PMEPA1: variants seen among roughly 807,000 people sequenced by gnomAD.
PMEPA1 encodes prostate transmembrane protein, androgen induced 1.
A neutral mutation model predicts 23.0 loss-of-function variants in PMEPA1; 11 were observed. The observed-to-expected ratio is 0.48, with a 90% CI of 0.30 to 0.79. PMEPA1 has a LOEUF of 0.79. Ranked by LOEUF, PMEPA1 falls within the 30% of genes least tolerant of loss-of-function variation. The pLI, the probability that PMEPA1 is intolerant of heterozygous loss-of-function variation, is 0.06. For synonymous variants in PMEPA1, 204 were observed against 166.4 expected (o/e 1.23, Z -1.74); for missense variants, 377 against 390.9 (o/e 0.96, Z 0.30).
chr20:57,677,847 C>T (rs2071659101), intron 1 of PMEPA1, among the ~76,000 whole-genome samples: 1 of 152,162 alleles, frequency 6.6e-6, no homozygotes, highest in Non-Finnish European at 1.5e-5. Context: ...GCATTCATAC[C>T]TTGGAACACT....
At chr20:57,693,510 C>T (rs1200067731) in intron 1 of PMEPA1, among the ~76,000 whole-genome samples, 2 of 152,178 alleles carry the variant, frequency 1.3e-5, no homozygotes, top group African/African-American at 2.4e-5. Flanking sequence ...GGCCAGCAGA[C>T]GGTGGCGGCC....
upstream of PMEPA1, chr20:57,710,925 C>T (rs2072173059): frequency 6.5e-6 from 1 of 154,834 alleles, no homozygotes; most frequent in Non-Finnish European, 1.4e-5. Context: ...CAAAGCTTCA[C>T]TTATTTAACA....
chr20:57,704,167 C>T lies in PMEPA1; in HGVS notation c.109+5307G>A, dbSNP rs747228038. Among the ~76,000 whole-genome samples the T allele has an allele frequency of 5.6e-4, 86 of 152,286 alleles. No individual in the cohort carries two copies. The highest frequency in any genetic ancestry group is 7.5e-4 in the Non-Finnish European group (51 of 68,024). ...AGTTTTATGTCAAAATCTAACCATT[C>T]GGCTGCCCTGGAACGGAAAGATCTG... On this transcript the variant is annotated intron_variant, in intron 1 of 3. Coordinates refer to ENST00000341744, the MANE Select transcript of PMEPA1 (RefSeq NM_020182.5). The surrounding 1 kb of genome is among the most constrained non-coding windows in gnomAD (Gnocchi z 4.6).
At chr20:57,697,261 A>C (rs2071953859) in intron 1 of PMEPA1, among the ~76,000 whole-genome samples, 1 of 152,234 alleles carries the variant, frequency 6.6e-6, no homozygotes, top group Admixed American at 6.5e-5. Context: ...ATGGTCAACA[A>C]GTGTCATCAC....
At chr20:57,696,864 T>C (rs1260531025) in intron 1 of PMEPA1, among the ~76,000 whole-genome samples, 3 of 152,228 alleles carry the variant, frequency 2.0e-5, no homozygotes, top group Non-Finnish European at 2.9e-5. Context: ...TGGAGGCCTC[T>C]GTGCACATTT....
chr20:57,677,593 G>T (rs1195721955), intron 1 of PMEPA1, among the ~76,000 whole-genome samples: 3 of 152,104 alleles, frequency 2.0e-5, no homozygotes, highest in Non-Finnish European at 4.4e-5. Context: ...ACCAGAGGAG[G>T]GCATGGATGT....
intron 1 of PMEPA1, among the ~76,000 whole-genome samples, chr20:57,669,306 A>C (rs905852545): frequency 6.6e-6 from 1 of 151,812 alleles, no homozygotes; most frequent in Non-Finnish European, 1.5e-5. Context: ...GACTACAGGC[A>C]CCCGCCAGCA....
intron 1 of PMEPA1, chr20:57,690,523 A>C (rs1326526155): frequency 1.5e-6 from 2 of 1,298,380 alleles, no homozygotes; most frequent in African/African-American, 3.1e-5. Context: ...TTTATTGTGA[A>C]GCAAAAAAGA....
chr20:57,657,284 G>T (rs1434169529), intron 2 of PMEPA1, among the ~76,000 whole-genome samples: 1 of 152,198 alleles, frequency 6.6e-6, no homozygotes, highest in Non-Finnish European at 1.5e-5. Context: ...TGGAGTTAGT[G>T]CCCCTCCAGG....
At position 57,655,100 on chromosome 20, in the gene PMEPA1, C is replaced by T. The variant is rs73302919; in HGVS notation, c.265-2014G>A. On this transcript the variant is annotated intron_variant, in intron 2 of 3. Coordinates refer to ENST00000341744, the MANE Select transcript of PMEPA1 (RefSeq NM_020182.5). This position sits in a 1 kb window ranked among gnomAD's most constrained non-coding sequence, Gnocchi z 4.2. ...TTAACGGGTTTTCCTATCTGTATAG[C>T]GGGCTGATGACAGCGCCTGCAATGC... Among the ~76,000 whole-genome samples, 1,034 of 152,300 alleles carry T rather than the reference C, an allele frequency of 6.8e-3. 14 individuals carry two copies. Among genetic ancestry groups the T allele is most frequent in the African/African-American group, 0.024 (993 of 41,548 alleles).
At chr20:57,660,110 C>G (rs1213535463) in intron 1 of PMEPA1, among the ~76,000 whole-genome samples, 1 of 152,132 alleles carries the variant, frequency 6.6e-6, no homozygotes, top group Non-Finnish European at 1.5e-5. Flanking sequence ...TGTCGCTGGG[C>G]AAAGGCTCGG....
At chr20:57,669,961 G>A (rs13038949) in intron 1 of PMEPA1, among the ~76,000 whole-genome samples, 15,376 of 152,192 alleles carry the variant, frequency 0.1, 855 homozygotes, top group Middle Eastern at 0.12. Flanking sequence ...TGGTCTCTGC[G>A]GAGGTGCTGT....
chr20:57,700,897 A>T (rs145577606), intron 1 of PMEPA1, among the ~76,000 whole-genome samples: 196 of 152,062 alleles, frequency 1.3e-3, no homozygotes, highest in African/African-American at 4.4e-3. Flanking sequence ...AGGTGTGATG[A>T]CTCATGCCTG....
intron 1 of PMEPA1, among the ~76,000 whole-genome samples, chr20:57,685,265 T>G (rs943112215): frequency 2.0e-5 from 3 of 152,062 alleles, no homozygotes; most frequent in African/African-American, 7.2e-5. Context: ...GGTGAAAAAT[T>G]ATAAAAGCAA....
chr20:57,655,115 G>A lies in PMEPA1; in HGVS notation c.265-2029C>T, dbSNP rs1369145597. On this transcript the variant is annotated intron_variant, in intron 2 of 3. Transcript: ENST00000341744. This position sits in a 1 kb window ranked among gnomAD's most constrained non-coding sequence, Gnocchi z 4.2. ...ATCTGTATAGCGGGCTGATGACAGC[G>A]CCTGCAATGCACCATACAGTGTGTT... 6.6e-6 allele frequency among the ~76,000 whole-genome samples: 1 copy of A among 152,156 alleles called. No individual in the cohort carries two copies. The highest frequency in any genetic ancestry group is 1.5e-5 in the Non-Finnish European group (1 of 68,028).
chr20:57,658,730 G>A (rs991294462), intron 2 of PMEPA1, among the ~76,000 whole-genome samples: 7 of 152,242 alleles, frequency 4.6e-5, no homozygotes, highest in South Asian at 4.1e-4. Flanking sequence ...CTTAGGCCCC[G>A]GGACCTGGTG....
At position 57,652,364 on chromosome 20, in the gene PMEPA1, C is replaced by T. The variant is rs753438868; in HGVS notation, c.553G>A (p.Ala185Thr). The T allele has an allele frequency of 6.2e-7, 1 of 1,613,288 alleles. No homozygotes were observed. The highest frequency in any genetic ancestry group is 1.1e-5 in the South Asian group (1 of 91,084). Residue 185 changes from alanine to threonine, a missense_variant, in exon 4 of 4, where the codon GCA (alanine) becomes ACA (threonine). Around this residue, in one of 3 missense-constraint regions of PMEPA1, gnomAD observed 176 missense variants for 173.0 expected, o/e 1.02. Transcript: ENST00000341744. This position sits in a 1 kb window ranked among gnomAD's most constrained non-coding sequence, Gnocchi z 6.1. ...QLELNRESVR[A>T]PPNRTIFDSD... ...TCGAAGATGGTTCTGTTTGGGGGTGCGCGCACCGACTCCCGGTTCAGTTCC... is the reference window on the plus strand; with the variant it reads ...TCGAAGATGGTTCTGTTTGGGGGTGTGCGCACCGACTCCCGGTTCAGTTCC...
In PMEPA1 at chr20:57,652,581, C is replaced by G; in HGVS notation, c.336G>C (p.Pro112=). ...CGGCCAGGCGGTCGGTGGGCCGAGG[C>G]GGGGCGTAGACCTGCGGCTGGAGGA... ...NGIPEPQVYA[P]PRPTDRLAVP... Residue 112 remains proline (P), a synonymous_variant, in exon 4 of 4, where the codon CCG becomes CCC. Transcript: ENST00000341744. The surrounding 1 kb of genome is among the most constrained non-coding windows in gnomAD (Gnocchi z 6.1). The G allele has an allele frequency of 6.7e-7, 1 of 1,499,096 alleles. No individual in the cohort carries two copies. Among genetic ancestry groups the G allele is most frequent in the Non-Finnish European group, 8.9e-7 (1 of 1,124,514 alleles). 92.9% of individuals were successfully genotyped at this position (1,499,096 alleles called of 1,614,324 possible).
chr20:57,664,004 C>T (rs2071458585), intron 1 of PMEPA1, among the ~76,000 whole-genome samples: 2 of 152,232 alleles, frequency 1.3e-5, no homozygotes, highest in Non-Finnish European at 2.9e-5. Flanking sequence ...ACCTTCCACG[C>T]ACTTTCACAC....
Sources: gnomAD v4.1 joint callset for allele counts (sites outside exome capture counted in the v4.1 genomes callset) on GRCh38, gnomAD v4.1.1 for gene constraint, gnomAD v4.1.1 regional missense constraint, Gnocchi (gnomAD v3.1) non-coding constraint, MANE v1.5 for transcripts, NCBI Gene and HGNC (gene_info 2026-07-23, HGNC 2026-07-21) for gene names.